VWC2: variants seen among roughly 807,000 people sequenced by gnomAD.
VWC2 encodes the protein brorin.
VWC2 carries 14 observed loss-of-function variants against 29.8 expected under a neutral mutation model. The ratio of observed to expected loss-of-function variants is 0.47; its 90% CI spans 0.31 to 0.74. The LOEUF (loss-of-function observed/expected upper bound fraction) is 0.74, where lower values mean the gene tolerates loss of function less well. VWC2 is among the 30% of genes least tolerant of loss of function. VWC2 has a pLI of 0.05. For synonymous variants in VWC2, 213 were observed against 199.0 expected (o/e 1.07, Z -0.59); for missense variants, 457 against 459.8 (o/e 0.99, Z 0.05).
At chr7:49,797,839 C>G (rs1048876234) in intron 2 of VWC2, among the ~76,000 whole-genome samples, 2 of 152,164 alleles carry the variant, frequency 1.3e-5, no homozygotes, top group Non-Finnish European at 2.9e-5. Context: ...TTCTCAAATG[C>G]CCAACTGTTT....
chr7:49,869,456 G>A (rs1477067981), intron 3 of VWC2, among the ~76,000 whole-genome samples: 1 of 152,132 alleles, frequency 6.6e-6, no homozygotes, highest in East Asian at 1.9e-4. Context: ...TAGCAAATCG[G>A]ATATAGGGAA....
chr7:49,890,309 T>A (rs1312265327), intron 3 of VWC2, among the ~76,000 whole-genome samples: 4 of 152,196 alleles, frequency 2.6e-5, no homozygotes, highest in African/African-American at 9.7e-5. Context: ...CAGGGACACA[T>A]GCAAAATTGT....
chr7:49,831,747 G>A (rs1221917243), intron 3 of VWC2, among the ~76,000 whole-genome samples: 5 of 152,140 alleles, frequency 3.3e-5, no homozygotes, highest in Admixed American at 1.3e-4. Flanking sequence ...GTGATCAACC[G>A]CAAAATAAAA....
At chr7:49,874,140 C>A (rs1411333970) in intron 3 of VWC2, among the ~76,000 whole-genome samples, 1 of 151,854 alleles carries the variant, frequency 6.6e-6, no homozygotes, top group Non-Finnish European at 1.5e-5. Flanking sequence ...TGTGTTGTAG[C>A]CAAGGTTTTG....
chr7:49,857,193 C>A (rs1790461117), intron 3 of VWC2, among the ~76,000 whole-genome samples: 1 of 152,082 alleles, frequency 6.6e-6, no homozygotes. Flanking sequence ...CTTACCCCTA[C>A]CCCCAACCCC....
intron 3 of VWC2, among the ~76,000 whole-genome samples, chr7:49,852,698 G>C (rs1032912082): frequency 1.3e-5 from 2 of 152,064 alleles, no homozygotes; most frequent in Non-Finnish European, 2.9e-5. Flanking sequence ...ATGGGGGACG[G>C]GCCTTGCTCC....
At chr7:49,789,830 A>G (rs1788423935) in intron 2 of VWC2, among the ~76,000 whole-genome samples, 2 of 152,218 alleles carry the variant, frequency 1.3e-5, no homozygotes, top group African/African-American at 4.8e-5. Flanking sequence ...TCTACAAAAT[A>G]ATTCTACAAA....
At chr7:49,782,237 T>C (rs987024430) in intron 2 of VWC2, among the ~76,000 whole-genome samples, 1 of 152,170 alleles carries the variant, frequency 6.6e-6, no homozygotes, top group Non-Finnish European at 1.5e-5. Flanking sequence ...CCCTTGCAGA[T>C]GTGTGATTCA....
At chr7:49,810,560 G>A (rs1788986092) in intron 3 of VWC2, among the ~76,000 whole-genome samples, 1 of 152,024 alleles carries the variant, frequency 6.6e-6, no homozygotes, top group Admixed American at 6.6e-5. Context: ...AGAATGTAAA[G>A]GATAGCCAAA....
At chr7:49,874,931 A>AC (rs902137737) in intron 3 of VWC2, among the ~76,000 whole-genome samples, 67 of 152,276 alleles carry the variant, frequency 4.4e-4, no homozygotes, top group African/African-American at 1.6e-3. Context: ...AATTGTAATT[A>AC]CCCACATAAG....
In VWC2 at chr7:49,914,739, A is replaced by G. The variant is rs915929383; in HGVS notation, c.*2554A>G. The G allele has an allele frequency of 6.6e-6, 1 of 152,216 alleles. No individual in the cohort carries two copies. Among genetic ancestry groups the G allele is most frequent in the African/African-American group, 2.4e-5 (1 of 41,446 alleles). The allele number at this position is 152,216 out of a possible 1,614,324, so 9.4% of individuals were successfully genotyped here. A position where few individuals can be genotyped will look rare whatever the true frequency, so the allele number is the denominator to read the frequency against. On this transcript the variant is annotated 3_prime_UTR_variant, in exon 4 of 4. Transcript: ENST00000340652. ...AGAGAACTCTTTGCTGAGATTGTCA[A>G]CAACAAACTGTTCTATTCAATAAAT...
chr7:49,879,177 T>A (rs1481447165), intron 3 of VWC2, among the ~76,000 whole-genome samples: 1 of 152,174 alleles, frequency 6.6e-6, no homozygotes, highest in Non-Finnish European at 1.5e-5. Context: ...TCCACTTGAT[T>A]CTCTATAGTT....
rs937163440 is a variant in VWC2 at position 49,917,932 on chromosome 7, T to C, written c.*5747T>C. The stretch of plus-strand genomic sequence containing the variant: ...TTTTCATTTCTATTAGTTTTCAGGG[T>C]TTATTCTTTTCCTAAGCATATAATT... On this transcript the variant is annotated 3_prime_UTR_variant, in exon 4 of 4. Transcript: ENST00000340652. 1.1e-4 allele frequency: 16 copies of C among 152,148 alleles called. No homozygotes were observed. The highest frequency in any genetic ancestry group is 3.9e-4 in the African/African-American group (16 of 41,436). The allele number at this position is 152,148 out of a possible 1,614,324, so 9.4% of individuals were successfully genotyped here. A position where few individuals can be genotyped will look rare whatever the true frequency, so the allele number is the denominator to read the frequency against.
intron 3 of VWC2, among the ~76,000 whole-genome samples, chr7:49,827,717 G>A (rs1789436812): frequency 6.6e-6 from 1 of 151,858 alleles, no homozygotes; most frequent in Admixed American, 6.6e-5. Context: ...TCTTAATAAT[G>A]GCCTGTTTAT....
At chr7:49,783,566 G>C (rs1788224982) in intron 2 of VWC2, among the ~76,000 whole-genome samples, 1 of 152,138 alleles carries the variant, frequency 6.6e-6, no homozygotes, top group Non-Finnish European at 1.5e-5. Flanking sequence ...CTTACTGCTT[G>C]TCTGTTCCAA....
intron 3 of VWC2, among the ~76,000 whole-genome samples, chr7:49,810,585 G>T (rs948440596): frequency 1.3e-5 from 2 of 152,018 alleles, no homozygotes; most frequent in Non-Finnish European, 2.9e-5. Flanking sequence ...ATTTTTAAAA[G>T]AACAAAGTTG....
chr7:49,805,121 A>G (rs1181650782), intron 3 of VWC2, among the ~76,000 whole-genome samples: 1 of 152,246 alleles, frequency 6.6e-6, no homozygotes, highest in Non-Finnish European at 1.5e-5. Context: ...AAAAATGTAC[A>G]AAAACTAAAC....
At chr7:49,810,538 T>C (rs1272779273) in intron 3 of VWC2, among the ~76,000 whole-genome samples, 1 of 152,164 alleles carries the variant, frequency 6.6e-6, no homozygotes, top group Non-Finnish European at 1.5e-5. Flanking sequence ...AGTCTGATCC[T>C]ATAATTCATG....
chr7:49,858,846 C>T (rs1167063106), intron 3 of VWC2, among the ~76,000 whole-genome samples: 1 of 152,066 alleles, frequency 6.6e-6, no homozygotes, highest in East Asian at 1.9e-4. Context: ...GATGGAATCC[C>T]ATTGTGTAAA....
Sources: gnomAD v4.1 joint callset for allele counts (sites outside exome capture counted in the v4.1 genomes callset) on GRCh38, gnomAD v4.1.1 for gene constraint, MANE v1.5 for transcripts, NCBI Gene and HGNC (gene_info 2026-07-23, HGNC 2026-07-21) for gene names.